PARD3B: variants seen among roughly 807,000 people sequenced by gnomAD.
PARD3B encodes the protein par-3 family cell polarity regulator beta.
Under a neutral mutation model 130.2 loss-of-function variants are expected in PARD3B, and 103 were observed. That is an observed-to-expected ratio of 0.79 (90% CI 0.67 to 0.93). The LOEUF (loss-of-function observed/expected upper bound fraction) is 0.93, where lower values mean the gene tolerates loss of function less well. Ranked by LOEUF, PARD3B falls within the 40% of genes least tolerant of loss-of-function variation. PARD3B has a pLI of 0.00. For synonymous variants in PARD3B, 583 were observed against 553.2 expected (o/e 1.05, Z -0.76); for missense variants, 1,609 against 1,499.2 (o/e 1.07, Z -1.21).
intron 10 of PARD3B, among the ~76,000 whole-genome samples, chr2:205,141,246 T>A (rs1023950950): frequency 6.6e-6 from 1 of 152,180 alleles, no homozygotes; most frequent in African/African-American, 2.4e-5. Flanking sequence ...TGTGCTTGCT[T>A]ACAAACTGCT....
chr2:205,004,319 G>T (rs1695081706), intron 3 of PARD3B, among the ~76,000 whole-genome samples: 2 of 152,202 alleles, frequency 1.3e-5, no homozygotes, highest in Admixed American at 1.3e-4. Flanking sequence ...GCTTCCGCAA[G>T]AATTTTTCTC....
At chr2:204,772,612 C>T (rs371829899) in intron 2 of PARD3B, among the ~76,000 whole-genome samples, 11 of 152,044 alleles carry the variant, frequency 7.2e-5, no homozygotes, top group African/African-American at 2.2e-4. Context: ...TTGACAAGCA[C>T]ATTTTCAAGG....
rs1251764507 is a variant in PARD3B, at chr2:204,719,903, G to A, written c.222+33621G>A. ...TTTAAATACTATTCTATAGTTGTGAGTAAATCTCAGGAAGAATGTATCCAT... is the reference window on the plus strand; with the variant it reads ...TTTAAATACTATTCTATAGTTGTGAATAAATCTCAGGAAGAATGTATCCAT... On this transcript the variant is annotated intron_variant, in intron 2 of 22. Transcript: ENST00000406610. 7.2e-5 allele frequency among the ~76,000 whole-genome samples: 11 copies of A among 152,162 alleles called. No homozygotes were observed. The East Asian group carries it at 2.1e-3, about 29-fold the overall frequency.
At chr2:205,130,963 G>C (rs142409082) in intron 10 of PARD3B, among the ~76,000 whole-genome samples, 17 of 152,228 alleles carry the variant, frequency 1.1e-4, no homozygotes, top group African/African-American at 4.1e-4. Flanking sequence ...ACCTGTCCCT[G>C]TGACTACCTT....
intron 12 of PARD3B, among the ~76,000 whole-genome samples, chr2:205,175,165 T>A (rs1250062604): frequency 6.6e-6 from 1 of 152,174 alleles, no homozygotes. Flanking sequence ...TGTTGGGATA[T>A]CGATTGTGTC....
At chr2:204,619,762 A>G (rs934696302) in intron 1 of PARD3B, among the ~76,000 whole-genome samples, 1 of 152,202 alleles carries the variant, frequency 6.6e-6, no homozygotes, top group Non-Finnish European at 1.5e-5. Context: ...TAGCAGAAAG[A>G]AGAATGCCAA....
intron 10 of PARD3B, among the ~76,000 whole-genome samples, chr2:205,141,193 G>A (rs564917167): frequency 6.6e-6 from 1 of 152,242 alleles, no homozygotes; most frequent in Admixed American, 6.5e-5. Context: ...GGTTTTGAAA[G>A]GACAAAAACT....
chr2:204,812,917 G>T (rs2043011313), intron 2 of PARD3B, among the ~76,000 whole-genome samples: 1 of 152,086 alleles, frequency 6.6e-6, no homozygotes, highest in South Asian at 2.1e-4. Context: ...GGGGTCTCCT[G>T]CCATGCTCAT....
At chr2:205,141,599 A>G (rs1398607777) in intron 10 of PARD3B, among the ~76,000 whole-genome samples, 1 of 152,218 alleles carries the variant, frequency 6.6e-6, no homozygotes, top group Non-Finnish European at 1.5e-5. Context: ...GATCTTAGAA[A>G]CATTTGCAAG....
intron 22 of PARD3B, among the ~76,000 whole-genome samples, chr2:205,574,233 TAA>T (rs1405766348): frequency 3.9e-5 from 6 of 152,120 alleles, no homozygotes; most frequent in Non-Finnish European, 5.9e-5. Flanking sequence ...AGCATAAAAT[TAA>T]AAGAGTCGAA....
At chr2:205,240,739 G>A (rs1421915283) in intron 15 of PARD3B, among the ~76,000 whole-genome samples, 1 of 152,158 alleles carries the variant, frequency 6.6e-6, no homozygotes, top group Non-Finnish European at 1.5e-5. Context: ...TTAAGCAAGT[G>A]TAGTCCCTAA....
chr2:204,918,055 T>G (rs1440814973), intron 2 of PARD3B, among the ~76,000 whole-genome samples: 1 of 152,204 alleles, frequency 6.6e-6, no homozygotes, highest in African/African-American at 2.4e-5. Context: ...GCCTGATATA[T>G]TCTTATTAAG....
rs2054377649 is a variant in PARD3B, at chr2:205,591,279, G to C, written c.3261-24177G>C. The stretch of plus-strand genomic sequence containing the variant: ...AACATAGTCCATACATTTTGGGAAA[G>C]TGGTAATAACTTGCTTCATTTCCAT... On this transcript the variant is annotated intron_variant, in intron 22 of 22. Coordinates refer to ENST00000406610, the MANE Select transcript of PARD3B (RefSeq NM_001302769.2). The surrounding 1 kb of genome is among the most constrained non-coding windows in gnomAD (Gnocchi z 4.2). Among the ~76,000 whole-genome samples, 1 of 152,204 alleles carries C rather than the reference G, an allele frequency of 6.6e-6. No homozygotes were observed. Among genetic ancestry groups the C allele is most frequent in the Non-Finnish European group, 1.5e-5 (1 of 68,028 alleles).
At chr2:204,996,779 C>T (rs1166799447) in intron 3 of PARD3B, among the ~76,000 whole-genome samples, 13 of 148,938 alleles carry the variant, frequency 8.7e-5, no homozygotes, top group East Asian at 6.0e-4. Context: ...GATATAGTCT[C>T]GTGGTGCGCC....
At chr2:205,211,163 C>T (rs1481325924) in intron 15 of PARD3B, among the ~76,000 whole-genome samples, 2 of 152,014 alleles carry the variant, frequency 1.3e-5, no homozygotes, top group East Asian at 1.9e-4. Context: ...ATCAGAACCC[C>T]AGAAGCCAAT....
chr2:205,008,059 A>C (rs1695421625), intron 3 of PARD3B, among the ~76,000 whole-genome samples: 2 of 152,218 alleles, frequency 1.3e-5, no homozygotes, highest in East Asian at 3.9e-4. Flanking sequence ...CTTCAATAAC[A>C]AAAACAAAAA....
intron 21 of PARD3B, among the ~76,000 whole-genome samples, chr2:205,514,545 C>T (rs2050713215): frequency 6.6e-6 from 1 of 151,534 alleles, no homozygotes; most frequent in South Asian, 2.1e-4. Flanking sequence ...ATGAATGGCA[C>T]ATAGTTTGCT....
At chr2:204,546,223 G>C (rs1463906052) in intron 1 of PARD3B, 104 bp downstream of exon 1, 45 of 1,458,300 alleles carry the variant, frequency 3.1e-5, no homozygotes, top group Non-Finnish European at 3.9e-5. Flanking sequence ...GGGGATTATG[G>C]GGCACTGCCT....
intron 2 of PARD3B, among the ~76,000 whole-genome samples, chr2:204,686,832 G>A (rs921613276): frequency 5.3e-5 from 8 of 152,098 alleles, no homozygotes; most frequent in African/African-American, 9.7e-5. Context: ...GAATAATCTC[G>A]TTGCAAATAT....
Sources: allele counts gnomAD v4.1 joint callset (sites outside exome capture counted in the v4.1 genomes callset), GRCh38; gene constraint gnomAD v4.1.1; non-coding constraint Gnocchi (gnomAD v3.1); transcripts MANE v1.5; gene names NCBI Gene and HGNC (gene_info 2026-07-23, HGNC 2026-07-21).